DGKH: variants seen among roughly 807,000 people sequenced by gnomAD.
The protein encoded by DGKH is diacylglycerol kinase eta, also known as DAG kinase eta.
DGKH carries 90 observed loss-of-function variants against 159.3 expected under a neutral mutation model. The ratio of observed to expected loss-of-function variants is 0.57; its 90% confidence interval spans 0.48 to 0.67. DGKH has a LOEUF of 0.67. DGKH is among the 30% of genes least tolerant of loss of function. The probability of loss-of-function intolerance (pLI) is 0.00; values close to 1 mark genes in which losing one functional copy is unlikely to be tolerated. For missense variants in DGKH, 1,181 were observed against 1,506.1 expected, an observed-to-expected ratio of 0.78 and a Z score of 3.57; for synonymous variants, 536 against 553.8, an observed-to-expected ratio of 0.97 and a Z score of 0.45.
intron 1 of DGKH, among the ~76,000 whole-genome samples, chr13:42,061,066 G>A (rs1193278441): frequency 1.4e-5 from 2 of 147,732 alleles, no homozygotes; most frequent in Non-Finnish European, 2.9e-5. Flanking sequence ...AGAGGAAGGG[G>A]TCTCCGAGCA....
intron 1 of DGKH, among the ~76,000 whole-genome samples, chr13:42,109,285 A>G (rs150514573): frequency 1.3e-5 from 2 of 152,310 alleles, no homozygotes; most frequent in Non-Finnish European, 2.9e-5. Flanking sequence ...CAACACCCCT[A>G]TGGCTTAGTT....
intron 1 of DGKH, among the ~76,000 whole-genome samples, chr13:42,071,731 A>G (rs1351213586): frequency 6.6e-6 from 1 of 152,168 alleles, no homozygotes; most frequent in Non-Finnish European, 1.5e-5. Flanking sequence ...ATACAACGGG[A>G]CTTCTCTGAC....
intron 1 of DGKH, among the ~76,000 whole-genome samples, chr13:42,124,540 G>A (rs1955133094): frequency 6.6e-6 from 1 of 152,102 alleles, no homozygotes; most frequent in Non-Finnish European, 1.5e-5. Context: ...GTAGGCTTTG[G>A]GGTGAGACTT....
chr13:42,189,197 G>A lies in DGKH; in HGVS notation c.1800G>A (p.Gly600=), dbSNP rs768594691. ...TGGGTGAAAGCAAAGAGCAGCTTGG[G>A]GATGACGTTACAAAACCTTCCTCCC... ...ESLGESKEQL[G]DDVTKPSSQK... The change falls in exon 15 of 30, where the codon GGG becomes GGA. Residue 600 remains glycine, a synonymous_variant. Transcript: ENST00000337343. 1.2e-6 allele frequency: 2 copies of A among 1,614,070 alleles called. No homozygotes were observed. The highest frequency in any genetic ancestry group is 1.3e-5 in the African/African-American group (1 of 74,944).
At chr13:42,062,689 A>G (rs952643711) in intron 1 of DGKH, among the ~76,000 whole-genome samples, 8 of 152,222 alleles carry the variant, frequency 5.3e-5, no homozygotes, top group African/African-American at 1.9e-4. Context: ...TGAGGTCAGG[A>G]CATAATCCAG....
intron 20 of DGKH, among the ~76,000 whole-genome samples, chr13:42,201,451 G>T (rs961160107): frequency 3.3e-5 from 5 of 152,150 alleles, no homozygotes; most frequent in Admixed American, 3.3e-4. Context: ...TATCTTTAAG[G>T]GTTGAAAAAC....
intron 30 of DGKH, among the ~76,000 whole-genome samples, chr13:42,253,450 T>C (rs1291084364): frequency 6.6e-6 from 1 of 152,224 alleles, no homozygotes; most frequent in Non-Finnish European, 1.5e-5. Flanking sequence ...ATGTTTCTTA[T>C]TTATGAAAGA....
chr13:42,125,369 CCAGA>C (rs1184378836), intron 1 of DGKH, among the ~76,000 whole-genome samples: 2 of 152,124 alleles, frequency 1.3e-5, no homozygotes, highest in Non-Finnish European at 2.9e-5. Flanking sequence ...TTTCTCTAAC[CCAGA>C]CAGTGTGCTA....
At chr13:42,060,846 A>T (rs1882102117) in intron 1 of DGKH, among the ~76,000 whole-genome samples, 1 of 152,234 alleles carries the variant, frequency 6.6e-6, no homozygotes, top group Admixed American at 6.5e-5. Flanking sequence ...ACCAAAGATT[A>T]GATAAGTAAC....
chr13:42,116,936 G>C (rs988741948), intron 1 of DGKH, among the ~76,000 whole-genome samples: 1 of 152,094 alleles, frequency 6.6e-6, no homozygotes, highest in African/African-American at 2.4e-5. Context: ...TCAAAGTCAG[G>C]TTCATTGATC....
intron 30 of DGKH, chr13:42,255,877 G>T: frequency 8.3e-7 from 1 of 1,199,898 alleles, no homozygotes; most frequent in South Asian, 1.5e-5. Context: ...TGATAGAGAA[G>T]GTTGCTGCAA....
At chr13:42,165,531 A>G (rs1956290554) in intron 8 of DGKH, 98 bp downstream of exon 8, 1 of 598,912 alleles carries the variant, frequency 1.7e-6, no homozygotes, top group Non-Finnish European at 2.7e-6. Context: ...GTAATTGACT[A>G]TTGTAGTCAG....
intron 24 of DGKH, among the ~76,000 whole-genome samples, chr13:42,212,397 T>G: frequency 6.6e-6 from 1 of 152,214 alleles, no homozygotes; most frequent in Admixed American, 6.5e-5. Flanking sequence ...GCTGCATTAT[T>G]GTACATCTCG....
At chr13:42,132,728 A>G (rs908025355) in intron 3 of DGKH, among the ~76,000 whole-genome samples, 1 of 152,102 alleles carries the variant, frequency 6.6e-6, no homozygotes, top group African/African-American at 2.4e-5. Flanking sequence ...ATAGATTCCC[A>G]TCTCTACAAC....
At chr13:42,201,247 T>C (rs1267102894) in intron 20 of DGKH, among the ~76,000 whole-genome samples, 1 of 152,200 alleles carries the variant, frequency 6.6e-6, no homozygotes, top group African/African-American at 2.4e-5. Context: ...CGCCTCGGCC[T>C]TCCAAAGTGC....
In DGKH at chr13:42,111,227, G is replaced by T. The variant is rs557052611; in HGVS notation, c.193-16236G>T. Reference sequence around the variant, plus strand: ...ATTCTCGAGAAAATTATAAGCCATTGCAAGGGACAAAGTACATTAGCAATC... The same window carrying T: ...ATTCTCGAGAAAATTATAAGCCATTTCAAGGGACAAAGTACATTAGCAATC... On this transcript the variant is annotated intron_variant, in intron 1 of 29. Coordinates refer to ENST00000337343, the MANE Select transcript of DGKH (RefSeq NM_178009.5). Among the ~76,000 whole-genome samples the T allele has an allele frequency of 2.1e-4, 32 of 152,282 alleles. 1 individual carries two copies. The highest frequency in any genetic ancestry group is 7.2e-4 in the African/African-American group (30 of 41,542).
In DGKH at chr13:42,161,384, C is replaced by T. The variant is rs186586433; in HGVS notation, c.855+1248C>T. The stretch of plus-strand genomic sequence containing the variant: ...GAAAACACGGCCGGGCGCGGTGGCT[C>T]ACACCTGTAATCCCAGCACTTTGGG... On this transcript the variant is annotated intron_variant, in intron 7 of 29. Coordinates refer to ENST00000337343, the MANE Select transcript of DGKH (RefSeq NM_178009.5). Among the ~76,000 whole-genome samples, 17 of 152,300 alleles carry T rather than the reference C, an allele frequency of 1.1e-4. No individual in the cohort carries two copies. The East Asian group carries it at 2.9e-3, about 26-fold the overall frequency.
At chr13:42,118,783 A>C (rs1047055309) in intron 1 of DGKH, among the ~76,000 whole-genome samples, 3 of 152,202 alleles carry the variant, frequency 2.0e-5, no homozygotes, top group African/African-American at 7.2e-5. Context: ...TACATGTAGG[A>C]GCTTGGACTT....
At chr13:42,070,334 C>T in intron 1 of DGKH, 2 of 1,393,874 alleles carry the variant, frequency 1.4e-6, no homozygotes, top group Non-Finnish European at 2.0e-6. Context: ...CGATCTTCCT[C>T]ATGTGCAACA....
Sources: gnomAD v4.1 joint callset for allele counts (sites outside exome capture counted in the v4.1 genomes callset) on GRCh38, gnomAD v4.1.1 for gene constraint, MANE v1.5 for transcripts, NCBI Gene and HGNC (gene_info 2026-07-23, HGNC 2026-07-21) for gene names.